Variants in PCDH11X observed in about 807,000 individuals in gnomAD.
PCDH11X encodes the protein protocadherin-11 X-linked.
In PCDH11X, 18 loss-of-function variants were observed where a neutral mutation model predicts 53.3. That is an observed-to-expected ratio of 0.34 (90% CI 0.23 to 0.50). PCDH11X has a LOEUF of 0.50. PCDH11X is among the 20% of genes least tolerant of loss of function. PCDH11X has a pLI of 0.98. For synonymous variants in PCDH11X, 279 were observed against 393.3 expected (o/e 0.71, Z 3.44); for missense variants, 570 against 1,032.4 (o/e 0.55, Z 6.14).
chrX:91,971,058 C>G (rs1225091720), intron 6 of PCDH11X, among the ~76,000 whole-genome samples: 3 of 111,432 alleles, frequency 2.7e-5, no homozygotes, highest in Non-Finnish European at 1.9e-5. Flanking sequence ...TGCATAATTA[C>G]CTGCTCTTTA....
intron 6 of PCDH11X, among the ~76,000 whole-genome samples, chrX:92,050,321 T>C (rs1321760074): frequency 2.0e-5 from 2 of 101,880 alleles, no homozygotes; most frequent in Non-Finnish European, 4.0e-5. Flanking sequence ...AAATTGAAGG[T>C]TTTTTGTTGT....
intron 6 of PCDH11X, among the ~76,000 whole-genome samples, chrX:92,051,708 A>G (rs982425233): frequency 4.6e-4 from 51 of 111,708 alleles, no homozygotes; most frequent in African/African-American, 1.6e-3. Flanking sequence ...GGTGTGAAGT[A>G]TATTAAAATT....
At chrX:92,011,139 G>C (rs1026809764) in intron 6 of PCDH11X, among the ~76,000 whole-genome samples, 3 of 111,818 alleles carry the variant, frequency 2.7e-5, no homozygotes, top group African/African-American at 9.7e-5. Context: ...TGGGTATCTA[G>C]GTTGATTCCA....
chrX:92,139,750 A>T (rs1472721811), intron 6 of PCDH11X, among the ~76,000 whole-genome samples: 1 of 111,686 alleles, frequency 9.0e-6, no homozygotes, highest in East Asian at 2.8e-4. Context: ...ATAGTTGATA[A>T]TTAAACATAA....
At chrX:91,807,832 T>C (rs1186861413) in intron 1 of PCDH11X, among the ~76,000 whole-genome samples, 1 of 110,035 alleles carries the variant, frequency 9.1e-6, no homozygotes, top group Admixed American at 9.8e-5. Flanking sequence ...ATAAAATTTA[T>C]GGAATTCATT....
intron 10 of PCDH11X, among the ~76,000 whole-genome samples, chrX:92,514,443 T>C (rs1346721085): frequency 9.2e-6 from 1 of 109,169 alleles, no homozygotes; most frequent in African/African-American, 3.3e-5. Flanking sequence ...ATTAATACCT[T>C]TAAATCGCCC....
intron 6 of PCDH11X, among the ~76,000 whole-genome samples, chrX:92,061,604 T>C (rs370949586): frequency 1.8e-5 from 2 of 109,507 alleles, no homozygotes; most frequent in East Asian, 2.9e-4. Flanking sequence ...ATCAAGTTAT[T>C]GTAGGTGTGT....
In PCDH11X at chrX:92,297,867, G is replaced by A. The variant is rs753262868; in HGVS notation, c.3144+34724G>A. Among the ~76,000 whole-genome samples, 34 of 107,063 alleles carry A rather than the reference G, an allele frequency of 3.2e-4. No individual in the cohort carries two copies. The South Asian group carries it at 8.3e-3, about 26-fold the overall frequency. 93.0% of individuals were successfully genotyped at this position (107,063 alleles called of 115,157 possible). On this transcript the variant is annotated intron_variant, in intron 8 of 10. Transcript: ENST00000682573. ...TGTTATAGAGGTTTTTCACCTTCCCGGTTAGATGTTTCCCCAGATATTGTT... is the reference window on the plus strand; with the variant it reads ...TGTTATAGAGGTTTTTCACCTTCCCAGTTAGATGTTTCCCCAGATATTGTT...
chrX:92,023,296 G>A (rs1198365230), intron 6 of PCDH11X, among the ~76,000 whole-genome samples: 5 of 106,378 alleles, frequency 4.7e-5, no homozygotes, highest in Admixed American at 2.0e-4. Context: ...AAGAAGAAAA[G>A]TATCAAATAG....
intron 6 of PCDH11X, among the ~76,000 whole-genome samples, chrX:91,950,181 C>G (rs1397486805): frequency 4.6e-5 from 5 of 107,894 alleles, no homozygotes; most frequent in Non-Finnish European, 9.7e-5. Context: ...TTTCAGGGTA[C>G]AAGTATTTTT....
At chrX:92,487,280 T>C (rs2148680450) in intron 10 of PCDH11X, among the ~76,000 whole-genome samples, 1 of 108,665 alleles carries the variant, frequency 9.2e-6, no homozygotes, top group South Asian at 4.1e-4. Flanking sequence ...CTCTGAGAAA[T>C]ATGCTTTCTA....
intron 1 of PCDH11X, among the ~76,000 whole-genome samples, chrX:91,782,383 T>C (rs1935180786): frequency 1.0e-5 from 1 of 99,046 alleles, no homozygotes; most frequent in Non-Finnish European, 2.0e-5. Flanking sequence ...ACTTTACTTA[T>C]TTAGCAACAT....
chrX:91,926,080 A>ACACACACACG (rs1219737900), intron 6 of PCDH11X, among the ~76,000 whole-genome samples: 2 of 47,736 alleles, frequency 4.2e-5, no homozygotes, highest in African/African-American at 1.9e-4. Context: ...AAACACGCAC[A>ACACACACACG]CACACACACA....
At chrX:92,550,580 C>T (rs2074935771) in intron 10 of PCDH11X, among the ~76,000 whole-genome samples, 1 of 108,257 alleles carries the variant, frequency 9.2e-6, no homozygotes, top group Non-Finnish European at 1.9e-5. Flanking sequence ...CTTTATGTTA[C>T]AAACCATCCA....
chrX:92,242,096 T>TG lies in PCDH11X; in HGVS notation c.3115-21018_3115-21017insG, dbSNP rs769056157. ...TGGGCAACAGAGTGAAACCTCCATC[T>TG]CAAAAAAAAAAAAGATACTGAACAG... is the stretch of plus-strand genomic sequence containing the variant. On this transcript the variant is annotated intron_variant, in intron 7 of 10. Transcript: ENST00000682573. 1.5e-3 allele frequency among the ~76,000 whole-genome samples: 151 copies of TG among 98,262 alleles called. 1 individual carries two copies. The South Asian group carries it at 0.037, about 24-fold the overall frequency. 85.3% of individuals were successfully genotyped at this position (98,262 alleles called of 115,157 possible).
chrX:91,850,708 G>GTAT (rs1937957049), intron 5 of PCDH11X, among the ~76,000 whole-genome samples: 1 of 111,252 alleles, frequency 9.0e-6, no homozygotes, highest in South Asian at 3.8e-4. Context: ...ACAATTAGAT[G>GTAT]TATACCTTGT....
chrX:92,409,142 A>G (rs1462277961), intron 9 of PCDH11X, among the ~76,000 whole-genome samples: 3 of 105,569 alleles, frequency 2.8e-5, no homozygotes, highest in African/African-American at 7.2e-5. Context: ...TTTTGCTAGC[A>G]TGACTTCTCT....
At chrX:91,962,346 A>G (rs906556813) in intron 6 of PCDH11X, among the ~76,000 whole-genome samples, 2 of 112,798 alleles carry the variant, frequency 1.8e-5, no homozygotes, top group Non-Finnish European at 3.7e-5. Context: ...CAAAGGGGCT[A>G]CAGGCCCCAT....
rs180895823 is a variant in PCDH11X, at chrX:91,808,519, G to A, written c.-378-947G>A. ...CAAGAAAAAAAAAAAAGAGAGGAAT[G>A]TGTGATGGATCTGGTCATTGATAAA... On this transcript the variant is annotated intron_variant, in intron 1 of 10. Coordinates refer to ENST00000682573, the MANE Select transcript of PCDH11X (RefSeq NM_032968.5). Among the ~76,000 whole-genome samples the A allele has an allele frequency of 5.5e-5, 6 of 109,321 alleles. No homozygotes were observed. In the East Asian group the frequency reaches 1.7e-3, roughly 31 times the overall value. The allele number at this position is 109,321 out of a possible 115,157, so 94.9% of individuals were successfully genotyped here.
Sources: allele counts gnomAD v4.1 joint callset (sites outside exome capture counted in the v4.1 genomes callset), GRCh38; gene constraint gnomAD v4.1.1; transcripts MANE v1.5; gene names NCBI Gene and HGNC (gene_info 2026-07-23, HGNC 2026-07-21).